SPINK4: variants seen among roughly 807,000 people sequenced by gnomAD.
SPINK4 encodes serine peptidase inhibitor Kazal type 4.
In SPINK4, 10 loss-of-function variants were observed where a neutral mutation model predicts 12.3. The ratio of observed to expected loss-of-function variants is 0.81; its 90% CI spans 0.50 to 1.37. SPINK4 has a LOEUF of 1.37. Ranked by LOEUF, SPINK4 falls within the 40% of genes most tolerant of loss-of-function variation. The pLI is 0.00. For synonymous variants in SPINK4, 37 were observed against 40.2 expected, an observed-to-expected ratio of 0.92 and a Z score of 0.30; for missense variants, 91 against 109.0, an observed-to-expected ratio of 0.84 and a Z score of 0.73.
chr9:33,241,277 C>T (rs144181444), intron 1 of SPINK4, among the ~76,000 whole-genome samples: 35 of 152,222 alleles, frequency 2.3e-4, no homozygotes, highest in African/African-American at 7.2e-4. Context: ...GGAACTGTAC[C>T]GGGAAAGACC....
chr9:33,242,851 C>T (rs1027374610), intron 1 of SPINK4, among the ~76,000 whole-genome samples: 1 of 150,754 alleles, frequency 6.6e-6, no homozygotes, highest in Non-Finnish European at 1.5e-5. Context: ...CAGTCAATCC[C>T]TGCCCCCATC....
chr9:33,242,656 T>A (rs998214623), intron 1 of SPINK4, among the ~76,000 whole-genome samples: 6 of 152,236 alleles, frequency 3.9e-5, no homozygotes, highest in African/African-American at 1.4e-4. Flanking sequence ...ATTTTTTAAA[T>A]GCTTTTCTTT....
At chr9:33,243,597 C>T (rs1000494958) in intron 1 of SPINK4, among the ~76,000 whole-genome samples, 1 of 152,168 alleles carries the variant, frequency 6.6e-6, no homozygotes, top group Non-Finnish European at 1.5e-5. Flanking sequence ...GATTCAGCCA[C>T]GTTATTGCAT....
At chr9:33,246,590 T>C in intron 2 of SPINK4, 26 bp from the exon 3 acceptor site, 1 of 1,597,342 alleles carries the variant, frequency 6.3e-7, no homozygotes, top group South Asian at 1.1e-5. Flanking sequence ...AATCCCTGAG[T>C]CCTCTCCCTC....
chr9:33,246,499 G>A (rs1820286432), intron 2 of SPINK4, 117 bp from the exon 3 acceptor site: 2 of 763,728 alleles, frequency 2.6e-6, no homozygotes, highest in Admixed American at 1.9e-5. Context: ...GACCCACACT[G>A]GGGGCCTTCT....
chr9:33,241,020 T>G lies in SPINK4; in HGVS notation c.61+751T>G, dbSNP rs76220841. ...AAATACTTGGCAGGGTGATGGGCACTGGAAGGGGGTTGCAATTTCAAATCA... is the reference window on the plus strand; with the variant it reads ...AAATACTTGGCAGGGTGATGGGCACGGGAAGGGGGTTGCAATTTCAAATCA... On this transcript the variant is annotated intron_variant, in intron 1 of 3. Transcript: ENST00000379721. Among the ~76,000 whole-genome samples, 324 of 152,318 alleles carry G rather than the reference T, an allele frequency of 2.1e-3. 1 individual carries two copies. Among genetic ancestry groups the G allele is most frequent in the Middle Eastern group, 6.8e-3 (2 of 294 alleles).
chr9:33,247,202 A>G (rs1820295688), intron 3 of SPINK4, among the ~76,000 whole-genome samples: 1 of 143,708 alleles, frequency 7.0e-6, no homozygotes, highest in African/African-American at 2.5e-5. Flanking sequence ...ACTGTCACTC[A>G]GGCTGGAGTG....
intron 3 of SPINK4, chr9:33,247,704 C>T (rs771345477): frequency 6.6e-6 from 1 of 152,424 alleles, no homozygotes; most frequent in Non-Finnish European, 1.5e-5. Flanking sequence ...ACATGACCTC[C>T]CTACATCAGA....
intron 2 of SPINK4, 104 bp from the exon 3 acceptor site, chr9:33,246,512 A>T: frequency 1.2e-6 from 1 of 859,638 alleles, no homozygotes; most frequent in Non-Finnish European, 1.9e-6. Flanking sequence ...GGCCTTCTTG[A>T]CTCTGATACC....
At chr9:33,240,944 G>A (rs1049618392) in intron 1 of SPINK4, among the ~76,000 whole-genome samples, 4 of 152,308 alleles carry the variant, frequency 2.6e-5, no homozygotes, top group Middle Eastern at 3.4e-3. Flanking sequence ...AAACAAGATG[G>A]TTACAATGTA....
At chr9:33,243,924 C>G (rs1285011471) in intron 1 of SPINK4, among the ~76,000 whole-genome samples, 1 of 152,158 alleles carries the variant, frequency 6.6e-6, no homozygotes, top group African/African-American at 2.4e-5. Flanking sequence ...TGGAGAAAGC[C>G]TCTTTCACTG....
At chr9:33,246,583 C>G (rs770337230) in intron 2 of SPINK4, 33 bp from the exon 3 acceptor site, 1 of 1,586,568 alleles carries the variant, frequency 6.3e-7, no homozygotes, top group Non-Finnish European at 8.7e-7. Flanking sequence ...GCCTCTGAAT[C>G]CCTGAGTCCT....
Position 33,245,258 on chromosome 9 carries a change from C to T in SPINK4, c.102+106C>T. ...CTCCACGATCCTGCTCAGACACCTT[C>T]AATGGCTCCAAGGTGGCCAAGGTGG... is the stretch of plus-strand genomic sequence containing the variant. On this transcript the variant is annotated intron_variant, in intron 2 of 3. Coordinates refer to ENST00000379721, the MANE Select transcript of SPINK4 (RefSeq NM_014471.3). 8 of 1,270,964 alleles carry T rather than the reference C, an allele frequency of 6.3e-6. No individual in the cohort carries two copies. The South Asian group carries it at 1.2e-4, about 19-fold the overall frequency. 78.7% of individuals were successfully genotyped at this position (1,270,964 alleles called of 1,614,324 possible). A position where few individuals can be genotyped will look rare whatever the true frequency, so the allele number is the denominator to read the frequency against.
At position 33,248,555 on chromosome 9, in the gene SPINK4, C is replaced by T. The variant is rs1222971125; in HGVS notation, c.*84C>T. 8 of 1,525,450 alleles carry T rather than the reference C, an allele frequency of 5.2e-6. No homozygotes were observed. Among genetic ancestry groups the T allele is most frequent in the Non-Finnish European group, 7.2e-6 (8 of 1,110,090 alleles). The allele number at this position is 1,525,450 out of a possible 1,614,324, so 94.5% of individuals were successfully genotyped here. A position where few individuals can be genotyped will look rare whatever the true frequency, so the allele number is the denominator to read the frequency against. On this transcript the variant is annotated 3_prime_UTR_variant, in exon 4 of 4. Transcript: ENST00000379721. Reference sequence around the variant, plus strand: ...GAGGATATGACATGAAATAAAAGATCCAGCCCAACTGAGTGAAGTGGTCAG... The same window carrying T: ...GAGGATATGACATGAAATAAAAGATTCAGCCCAACTGAGTGAAGTGGTCAG...
chr9:33,241,288 T>C (rs538607681), intron 1 of SPINK4, among the ~76,000 whole-genome samples: 9 of 152,286 alleles, frequency 5.9e-5, no homozygotes, highest in African/African-American at 2.2e-4. Flanking sequence ...GGGAAAGACC[T>C]TGTTGGCCAA....
intron 1 of SPINK4, among the ~76,000 whole-genome samples, chr9:33,242,993 A>G (rs956835828): frequency 1.5e-4 from 23 of 151,900 alleles, no homozygotes; most frequent in Admixed American, 5.3e-4. Context: ...CTCCTATCTC[A>G]GCCTCACAAG....
Position 33,246,634 on chromosome 9 carries a change from G to C in SPINK4, c.121G>C (p.Val41Leu), listed in dbSNP as rs1820288419. 1 of 1,613,798 alleles carries C rather than the reference G, an allele frequency of 6.2e-7. No individual in the cohort carries two copies. The change falls in exon 3 of 4, where the codon GTA (valine) becomes CTA (leucine). Residue 41 changes from valine to leucine, a missense_variant. By Grantham distance (32) the Val-to-Leu change is conservative. Coordinates refer to ENST00000379721, the MANE Select transcript of SPINK4 (RefSeq NM_014471.3). ...TCCACAGCCCATCTGTGAACACATG[G>C]TAGAGTCTCCAACCTGTTCCCAGAT... ...FSRMPICEHM[V>L]ESPTCSQMSN... is the part of the protein sequence containing the mutation.
intron 3 of SPINK4, 78 bp from the exon 4 acceptor site, chr9:33,248,348 A>G: frequency 6.7e-7 from 1 of 1,501,442 alleles, no homozygotes; most frequent in Non-Finnish European, 9.2e-7. Context: ...GGATGTCTGG[A>G]TGGACTGTGC....
intron 3 of SPINK4, chr9:33,247,751 C>T (rs957806837): frequency 6.6e-6 from 1 of 152,398 alleles, no homozygotes; most frequent in Non-Finnish European, 1.5e-5. Context: ...TCAATAAAAC[C>T]CATCTTCTAT....
Sources: gnomAD v4.1 joint callset for allele counts (sites outside exome capture counted in the v4.1 genomes callset) on GRCh38, gnomAD v4.1.1 for gene constraint, MANE v1.5 for transcripts, NCBI Gene and HGNC (gene_info 2026-07-23, HGNC 2026-07-21) for gene names.